The following RAF1 variants were observed in gnomAD, a reference collection of about 807,000 sequenced individuals.
RAF1 encodes Raf-1 proto-oncogene, serine/threonine kinase.
Under a neutral mutation model 81.1 loss-of-function variants are expected in RAF1, and 27 were observed. The observed-to-expected ratio is 0.33, with a 90% CI of 0.25 to 0.46. RAF1 has a LOEUF of 0.46. RAF1 is among the 20% of genes least tolerant of loss of function. The pLI is 1.00. For synonymous variants in RAF1, 298 were observed against 294.0 expected (o/e 1.01, Z -0.14); for missense variants, 598 against 826.0 (o/e 0.72, Z 3.38).
Position 12,584,421 on chromosome 3 carries a change from CAT to C in RAF1, c.*91_*92del, listed in dbSNP as rs555444550. On this transcript the variant is annotated 3_prime_UTR_variant, in exon 18 of 18. Transcript: ENST00000442415. ...TCCTTAGCAGCAGCTTCTCTGAAAA[CAT>C]GTGTTCTGCCTCTGGAGAAAGGGAG... is the stretch of plus-strand genomic sequence containing the variant. 374 of 1,528,812 alleles carry C rather than the reference CAT, an allele frequency of 2.4e-4. 3 individuals carry two copies. The South Asian group carries it at 2.5e-3, about 10-fold the overall frequency. The allele number at this position is 1,528,812 out of a possible 1,614,324, so 94.7% of individuals were successfully genotyped here. A position where few individuals can be genotyped will look rare whatever the true frequency, so the allele number is the denominator to read the frequency against.
At chr3:12,612,475 C>T (rs929946557) in intron 2 of RAF1, among the ~76,000 whole-genome samples, 2 of 151,706 alleles carry the variant, frequency 1.3e-5, no homozygotes, top group African/African-American at 4.8e-5. Flanking sequence ...ATGGTGAAAC[C>T]CCGTCTCTAC....
At chr3:12,635,116 A>G (rs912395672) in intron 1 of RAF1, among the ~76,000 whole-genome samples, 18 of 151,930 alleles carry the variant, frequency 1.2e-4, no homozygotes, top group Middle Eastern at 3.2e-3. Context: ...GCATGAGCTC[A>G]TGAGTTCAAG....
At chr3:12,616,631 G>C (rs1170424286) in intron 2 of RAF1, among the ~76,000 whole-genome samples, 1 of 152,024 alleles carries the variant, frequency 6.6e-6, no homozygotes, top group South Asian at 2.1e-4. Context: ...AGGCTCCTTA[G>C]GTTCACAAAA....
intron 1 of RAF1, among the ~76,000 whole-genome samples, chr3:12,640,189 C>CT (rs200053356): frequency 0.14 from 21,406 of 152,148 alleles, 1,775 homozygotes; most frequent in African/African-American, 0.22. Flanking sequence ...AACTGGATCC[C>CT]TTCCTTACAT....
At chr3:12,623,662 T>G (rs1353466172) in intron 1 of RAF1, among the ~76,000 whole-genome samples, 1 of 151,602 alleles carries the variant, frequency 6.6e-6, no homozygotes, top group African/African-American at 2.4e-5. Context: ...GGCGTGGTGG[T>G]GGGCACCTGT....
intron 11 of RAF1, among the ~76,000 whole-genome samples, chr3:12,594,134 A>G (rs2058613671): frequency 1.3e-5 from 2 of 152,154 alleles, no homozygotes; most frequent in African/African-American, 2.4e-5. Context: ...ACCAGAGAGG[A>G]ATCTGCTGCA....
intron 1 of RAF1, among the ~76,000 whole-genome samples, chr3:12,624,758 T>C (rs1348862610): frequency 1.3e-5 from 2 of 151,938 alleles, no homozygotes; most frequent in Non-Finnish European, 2.9e-5. Flanking sequence ...TCCCAGCACT[T>C]TGGGAGACCA....
At chr3:12,643,394 A>G (rs371179989) in intron 1 of RAF1, among the ~76,000 whole-genome samples, 238 of 142,570 alleles carry the variant, frequency 1.7e-3, no homozygotes, top group African/African-American at 6.3e-3. Flanking sequence ...TCAAAGTAAG[A>G]AAAGAGTAAC....
intron 2 of RAF1, among the ~76,000 whole-genome samples, chr3:12,612,473 A>AC (rs1157985923): frequency 1.3e-5 from 2 of 151,988 alleles, no homozygotes; most frequent in African/African-American, 4.8e-5. Context: ...ACATGGTGAA[A>AC]CCCCGTCTCT....
At chr3:12,619,722 G>A (rs1318493328) in intron 1 of RAF1, among the ~76,000 whole-genome samples, 1 of 152,140 alleles carries the variant, frequency 6.6e-6, no homozygotes, top group African/African-American at 2.4e-5. Flanking sequence ...GAAAAAAAGT[G>A]TAAGCCATAA....
intron 1 of RAF1, among the ~76,000 whole-genome samples, chr3:12,620,424 C>T (rs1003149543): frequency 3.9e-5 from 6 of 152,130 alleles, no homozygotes; most frequent in Non-Finnish European, 4.4e-5. Flanking sequence ...CATGAGCCAC[C>T]GTGCCCAGCC....
chr3:12,599,028 C>T (rs1476976904), intron 11 of RAF1: 1 of 152,382 alleles, frequency 6.6e-6, no homozygotes, highest in African/African-American at 2.4e-5. Context: ...GCATTAAAAA[C>T]CTAACAGAGA....
chr3:12,648,904 C>A (rs1339428341), intron 1 of RAF1, among the ~76,000 whole-genome samples: 1 of 152,130 alleles, frequency 6.6e-6, no homozygotes, highest in African/African-American at 2.4e-5. Context: ...CACCTGAGGT[C>A]GGGAGTTCAA....
intron 1 of RAF1, among the ~76,000 whole-genome samples, chr3:12,642,671 T>TACACACAC (rs71063856): frequency 0.046 from 5,406 of 116,980 alleles, 161 homozygotes; most frequent in Admixed American, 0.056. Context: ...ACACCATCTC[T>TACACACAC]ACACACACAC....
At chr3:12,653,992 C>CTT (rs57322131) in intron 1 of RAF1, among the ~76,000 whole-genome samples, 15 of 141,672 alleles carry the variant, frequency 1.1e-4, no homozygotes, top group African/African-American at 2.1e-4. Context: ...TTTTCTTTTT[C>CTT]TTTTTTTTTT....
intron 1 of RAF1, among the ~76,000 whole-genome samples, chr3:12,662,760 G>A (rs973285443): frequency 6.6e-6 from 1 of 152,042 alleles, no homozygotes; most frequent in African/African-American, 2.4e-5. Flanking sequence ...GTCTCCTCGA[G>A]TGTAGAAGCT....
intron 1 of RAF1, among the ~76,000 whole-genome samples, chr3:12,623,697 G>A (rs1461650885): frequency 2.0e-5 from 3 of 151,478 alleles, no homozygotes; most frequent in African/African-American, 7.3e-5. Flanking sequence ...AGGAGGCTGA[G>A]GCAGGAGAAT....
At chr3:12,624,756 C>T (rs1216236605) in intron 1 of RAF1, among the ~76,000 whole-genome samples, 1 of 152,074 alleles carries the variant, frequency 6.6e-6, no homozygotes, top group East Asian at 1.9e-4. Flanking sequence ...AATCCCAGCA[C>T]TTTGGGAGAC....
chr3:12,653,562 T>C (rs1212031853), intron 1 of RAF1, among the ~76,000 whole-genome samples: 1 of 152,020 alleles, frequency 6.6e-6, no homozygotes, highest in Non-Finnish European at 1.5e-5. Context: ...CTGGCCAACA[T>C]GATGAAACCC....
Sources: gnomAD v4.1 joint callset for allele counts (sites outside exome capture counted in the v4.1 genomes callset) on GRCh38, gnomAD v4.1.1 for gene constraint, MANE v1.5 for transcripts, NCBI Gene and HGNC (gene_info 2026-07-23, HGNC 2026-07-21) for gene names.